Variants in TDRD6 observed in about 807,000 individuals in gnomAD.
TDRD6 encodes tudor domain containing 6.
In TDRD6, 186 loss-of-function variants were observed where a neutral mutation model predicts 157.5. The observed-to-expected ratio is 1.18, with a 90% confidence interval of 1.05 to 1.33. The LOEUF (loss-of-function observed/expected upper bound fraction) is 1.33, where lower values mean the gene tolerates loss of function less well. Ranked by LOEUF, TDRD6 falls within the 40% of genes most tolerant of loss-of-function variation. The probability of loss-of-function intolerance (pLI) is 0.00; values close to 1 mark genes in which losing one functional copy is unlikely to be tolerated. For missense variants in TDRD6, 3,066 were observed against 2,508.0 expected (o/e 1.22, Z -4.75); for synonymous variants, 1,075 against 945.2 (o/e 1.14, Z -2.52).
Position 46,701,013 on chromosome 6 carries a change from A to T in TDRD6, c.6262-845A>T, listed in dbSNP as rs570813993. The T allele has an allele frequency of 1.1e-5, 5 of 462,414 alleles. No homozygotes were observed. In the East Asian group the frequency reaches 2.0e-4, roughly 19 times the overall value. 28.6% of individuals were successfully genotyped at this position (462,414 alleles called of 1,614,324 possible). ...CCTTTTGTTAGGCTGTATCCCAAAG[A>T]GTAGGGAAAGATCTTTACTTCATGT... On this transcript the variant is annotated intron_variant, in intron 3 of 3. Coordinates refer to ENST00000316081, the MANE Select transcript of TDRD6 (RefSeq NM_001010870.3).
rs773446897 is a variant in TDRD6 at position 46,692,844 on chromosome 6, T to A, written c.4716T>A (p.Asp1572Glu). The A allele has an allele frequency of 1.5e-5, 25 of 1,613,944 alleles. No individual in the cohort carries two copies. Among genetic ancestry groups the A allele is most frequent in the Non-Finnish European group, 1.4e-5 (16 of 1,179,974 alleles). Residue 1572 changes from aspartate to glutamate, a missense_variant, in exon 1 of 4, where the codon GAT becomes GAA. Physicochemically the swap from Asp to Glu is conservative, Grantham distance 45 (BLOSUM62 2). Transcript: ENST00000316081. The stretch of plus-strand genomic sequence containing the variant: ...GTATCCCATGTCCTTATATTGGAGA[T>A]CCTTGTATAGTAAGATACAGAGAAG... Reference protein sequence around the residue: ...RNCIPCPYIGDPCIVRYREDG... With the variant: ...RNCIPCPYIGEPCIVRYREDG...
chr6:46,680,605 C>CAT, the TDRD6 span, among the ~76,000 whole-genome samples: 1 of 152,086 alleles, frequency 6.6e-6, no homozygotes, highest in South Asian at 2.1e-4. Flanking sequence ...CAACTTTGGG[C>CAT]ATATTCTCAC....
upstream of TDRD6, among the ~76,000 whole-genome samples, chr6:46,684,877 TAA>T (rs1171053685): frequency 6.6e-6 from 1 of 152,172 alleles, no homozygotes; most frequent in African/African-American, 2.4e-5. Context: ...ACATAGTTTT[TAA>T]AATGTGGCTG....
Position 46,701,845 on chromosome 6 carries a change from C to G in TDRD6, c.6262-13C>G, listed in dbSNP as rs377482146. ...TTCTTTCTCAGTTTGAAGTTTTTCT[C>G]TTTTTGTTTCAGAAAAGGGGTTTGG... On this transcript the variant is annotated splice_polypyrimidine_tract_variant and intron_variant, in intron 3 of 3. Coordinates refer to ENST00000316081, the MANE Select transcript of TDRD6 (RefSeq NM_001010870.3). 1.2e-6 allele frequency: 2 copies of G among 1,612,280 alleles called. No homozygotes were observed. Among genetic ancestry groups the G allele is most frequent in the Non-Finnish European group, 1.7e-6 (2 of 1,178,784 alleles).
rs1226346520 is a variant in TDRD6 at position 46,687,899 on chromosome 6, G to A, written c.-230G>A. On this transcript the variant is annotated 5_prime_UTR_variant, in exon 1 of 4. Transcript: ENST00000316081. ...GAGGTAAATGCGTGCCCGGAAGCGC[G>A]ACCTCGGGCGGTTGGAGGGGCTACC... 7 of 573,032 alleles carry A rather than the reference G, an allele frequency of 1.2e-5. No homozygotes were observed. The highest frequency in any genetic ancestry group is 4.8e-4 in the Middle Eastern group (1 of 2,066). The allele number at this position is 573,032 out of a possible 1,614,324, so 35.5% of individuals were successfully genotyped here.
Position 46,689,495 on chromosome 6 carries a change from A to G in TDRD6, c.1367A>G (p.Glu456Gly). The G allele has an allele frequency of 6.2e-7, 1 of 1,613,876 alleles. No homozygotes were observed. The highest frequency in any genetic ancestry group is 8.5e-7 in the Non-Finnish European group (1 of 1,180,026). ...VLQSQATEEE[E>G]PETSQSQSPA... The stretch of plus-strand genomic sequence containing the variant: ...CAGAGCCAGGCAACAGAGGAGGAGG[A>G]ACCAGAAACATCTCAGTCTCAGTCT... The change falls in exon 1 of 4, where the codon GAA (glutamate) becomes GGA (glycine). Residue 456 changes from glutamate (E) to glycine (G), a missense_variant. Physicochemically the swap from Glu to Gly is moderately conservative, Grantham distance 98 (BLOSUM62 -2). Coordinates refer to ENST00000316081, the MANE Select transcript of TDRD6 (RefSeq NM_001010870.3).
Position 46,690,555 on chromosome 6 carries a change from C to G in TDRD6, c.2427C>G (p.Cys809Trp), listed in dbSNP as rs142004985. Residue 809 changes from cysteine (C) to tryptophan (W), a missense_variant, in exon 1 of 4, where the codon TGC becomes TGG. Cys to Trp is a radical substitution (Grantham distance 215). Transcript: ENST00000316081. ...TAATGTCTGATATTCAGTACTATTG[C>G]AAAAATACAGCTGCTCCTCACCAGA... The part of the protein sequence containing the change: ...KTLMSDIQYY[C>W]KNTAAPHQRN... 55 of 1,614,128 alleles carry G rather than the reference C, an allele frequency of 3.4e-5. No individual in the cohort carries two copies. The African/African-American group carries it at 5.9e-4, about 17-fold the overall frequency.
At position 46,689,976 on chromosome 6, in the gene TDRD6, A is replaced by C. The variant is rs45610733; in HGVS notation, c.1848A>C (p.Ala616=). ...TGGGAAAAACTTGGAGCCAGGAGGC[A>C]GTTTCCTTTTTTAAAAAGACTGTGC... ...WPLGKTWSQE[A]VSFFKKTVLH... Residue 616 remains alanine, a synonymous_variant, in exon 1 of 4, where the codon GCA becomes GCC. Coordinates refer to ENST00000316081, the MANE Select transcript of TDRD6 (RefSeq NM_001010870.3). 2 of 1,613,410 alleles carry C rather than the reference A, an allele frequency of 1.2e-6. No homozygotes were observed. The highest frequency in any genetic ancestry group is 1.7e-6 in the Non-Finnish European group (2 of 1,179,754).
Position 46,693,859 on chromosome 6 carries a change from A to G in TDRD6, c.5731A>G (p.Thr1911Ala), listed in dbSNP as rs914900967. 4 of 1,614,216 alleles carry G rather than the reference A, an allele frequency of 2.5e-6. No individual in the cohort carries two copies. The highest frequency in any genetic ancestry group is 2.2e-5 in the East Asian group (1 of 44,886). The stretch of plus-strand genomic sequence containing the variant: ...GAAACAGCCAGAACTAGAACTACCT[A>G]CAGCCCAGCTGCCTTTAGATGACAA... ...AEKQPELELP[T>A]AQLPLDDKMD... is the part of the protein sequence containing the mutation. The change falls in exon 1 of 4, where the codon ACA becomes GCA. Residue 1911 changes from threonine to alanine, a missense_variant. By Grantham distance (58) the Thr-to-Ala change is moderately conservative. Transcript: ENST00000316081.
intron 3 of TDRD6, among the ~76,000 whole-genome samples, chr6:46,700,753 T>C (rs1764604645): frequency 6.6e-6 from 1 of 152,188 alleles, no homozygotes; most frequent in Admixed American, 6.5e-5. Context: ...AGCTAAACAT[T>C]GGAAAAGGGT....
intron 3 of TDRD6, among the ~76,000 whole-genome samples, chr6:46,698,403 A>C (rs1427683278): frequency 1.3e-5 from 2 of 152,232 alleles, no homozygotes; most frequent in East Asian, 3.8e-4. Flanking sequence ...AATCACCGAT[A>C]ATATACCCAT....
rs1307934912 is a variant in TDRD6, at chr6:46,690,974, A to AT, written c.2849dup (p.Val952GlyfsTer30). 1 of 1,614,118 alleles carries AT rather than the reference A, an allele frequency of 6.2e-7. No individual in the cohort carries two copies. The highest frequency in any genetic ancestry group is 8.5e-7 in the Non-Finnish European group (1 of 1,179,984). ...CTAACCCCCTTTCAGAGTGCATGCC[A>AT]TTTCTTGGTAGAAAAGAGACTTGCA... is the stretch of plus-strand genomic sequence containing the variant. On this transcript the variant is annotated frameshift_variant, in exon 1 of 4. Coordinates refer to ENST00000316081, the MANE Select transcript of TDRD6 (RefSeq NM_001010870.3). LOFTEE classifies it high-confidence loss of function.
rs750445388 is a variant in TDRD6 at position 46,693,120 on chromosome 6, A to C, written c.4992A>C (p.Glu1664Asp). 19 of 1,613,118 alleles carry C rather than the reference A, an allele frequency of 1.2e-5. No individual in the cohort carries two copies. ...FYEIITEDVL[E>D]ITILEIRRDV... The stretch of plus-strand genomic sequence containing the variant: ...AAATAATAACAGAAGATGTGTTGGA[A>C]ATAACAATACTAGAAATCAGAAGGG... The change falls in exon 1 of 4, where the codon GAA (glutamate) becomes GAC (aspartate). Residue 1664 changes from glutamate to aspartate, a missense_variant. Glu to Asp is a conservative substitution (Grantham distance 45). Coordinates refer to ENST00000316081, the MANE Select transcript of TDRD6 (RefSeq NM_001010870.3).
At position 46,689,504 on chromosome 6, in the gene TDRD6, C is replaced by T; in HGVS notation, c.1376C>T (p.Thr459Ile). ...GCAACAGAGGAGGAGGAACCAGAAA[C>T]ATCTCAGTCTCAGTCTCCTGCTGAA... ...SQATEEEEPE[T>I]SQSQSPAEEV... is the part of the protein sequence containing the mutation. Residue 459 changes from threonine to isoleucine, a missense_variant, in exon 1 of 4, where the codon ACA (threonine) becomes ATA (isoleucine). Coordinates refer to ENST00000316081, the MANE Select transcript of TDRD6 (RefSeq NM_001010870.3). The T allele has an allele frequency of 1.2e-6, 2 of 1,613,952 alleles. No homozygotes were observed. The highest frequency in any genetic ancestry group is 2.2e-5 in the East Asian group (1 of 44,874).
At position 46,690,178 on chromosome 6, in the gene TDRD6, C is replaced by A. The variant is rs750809063; in HGVS notation, c.2050C>A (p.Pro684Thr). ...KENILVNAHS[P>T]GHVSNHFTTE... ...AAATATCCTGGTAAATGCCCACTCC[C>A]CAGGGCATGTTTCAAACCACTTTAC... Residue 684 changes from proline (P) to threonine (T), a missense_variant, in exon 1 of 4, where the codon CCA becomes ACA. Pro to Thr is a conservative substitution (Grantham distance 38). Coordinates refer to ENST00000316081, the MANE Select transcript of TDRD6 (RefSeq NM_001010870.3). 1.2e-6 allele frequency: 2 copies of A among 1,613,770 alleles called. No individual in the cohort carries two copies. The highest frequency in any genetic ancestry group is 1.7e-6 in the Non-Finnish European group (2 of 1,179,996).
Position 46,693,315 on chromosome 6 carries a change from T to C in TDRD6, c.5187T>C (p.Leu1729=). The C allele has an allele frequency of 1.2e-6, 2 of 1,605,436 alleles. No homozygotes were observed. The highest frequency in any genetic ancestry group is 1.7e-6 in the Non-Finnish European group (2 of 1,177,824). The change falls in exon 1 of 4, where the codon CTT becomes CTC. Residue 1729 remains leucine (L), a synonymous_variant. Transcript: ENST00000316081. The stretch of plus-strand genomic sequence containing the variant: ...GGTCCTACAATCTTGATGTAGGACT[T>C]AAGAAATTAAGTAATAAAGCTGTAC... ...TLGSYNLDVG[L]KKLSNKAVQN...
chr6:46,694,039 G>A lies in TDRD6; in HGVS notation c.5911G>A (p.Glu1971Lys). Residue 1971 changes from glutamate to lysine, a missense_variant, in exon 1 of 4, where the codon GAA becomes AAA. Coordinates refer to ENST00000316081, the MANE Select transcript of TDRD6 (RefSeq NM_001010870.3). ...GADCDPKTQNEMNICEEEFVE... is the reference protein window; with the variant it reads ...GADCDPKTQNKMNICEEEFVE... ...AGATTGTGATCCTAAAACACAGAATGAAATGAATATATGTGAAGAAGAATT... is the reference window on the plus strand; with the variant it reads ...AGATTGTGATCCTAAAACACAGAATAAAATGAATATATGTGAAGAAGAATT... The A allele has an allele frequency of 6.2e-7, 1 of 1,613,986 alleles. No individual in the cohort carries two copies. The highest frequency in any genetic ancestry group is 2.2e-5 in the East Asian group (1 of 44,880).
chr6:46,689,066 C>T lies in TDRD6; in HGVS notation c.938C>T (p.Pro313Leu), dbSNP rs923061149. ...WEEREESPDKPGSPCASCGLD... is the reference protein window; with the variant it reads ...WEEREESPDKLGSPCASCGLD... ...GAGAGGGAGGAGAGCCCAGATAAGC[C>T]GGGCTCTCCGTGTGCATCCTGTGGC... Residue 313 changes from proline to leucine, a missense_variant, in exon 1 of 4, where the codon CCG (proline) becomes CTG (leucine). Transcript: ENST00000316081. 3.1e-6 allele frequency: 5 copies of T among 1,614,068 alleles called. No homozygotes were observed. Among genetic ancestry groups the T allele is most frequent in the African/African-American group, 1.3e-5 (1 of 75,058 alleles).
Position 46,688,760 on chromosome 6 carries a change from G to C in TDRD6, c.632G>C (p.Arg211Pro). Residue 211 changes from arginine to proline, a missense_variant, in exon 1 of 4, where the codon CGC becomes CCC. By Grantham distance (103) the Arg-to-Pro change is moderately radical. Coordinates refer to ENST00000316081, the MANE Select transcript of TDRD6 (RefSeq NM_001010870.3). The part of the protein sequence containing the change: ...PDSLFRSLLE[R>P]YLTAATASVG... ...AGCCTCTTCCGTTCGCTGCTGGAGC[G>C]CTATCTCACAGCGGCCACTGCTAGC... 6.2e-7 allele frequency: 1 copy of C among 1,604,762 alleles called. No individual in the cohort carries two copies. The highest frequency in any genetic ancestry group is 1.3e-5 in the African/African-American group (1 of 75,058).
Sources: allele counts gnomAD v4.1 joint callset (sites outside exome capture counted in the v4.1 genomes callset), GRCh38; gene constraint gnomAD v4.1.1; transcripts MANE v1.5; gene names NCBI Gene and HGNC (gene_info 2026-07-23, HGNC 2026-07-21).